The following TMEM42 variants were observed in gnomAD, a reference collection of about 807,000 sequenced individuals.
TMEM42 encodes the protein transmembrane protein 42.
TMEM42 carries 8 observed loss-of-function variants against 14.0 expected under a neutral mutation model. The ratio of observed to expected loss-of-function variants is 0.57; its 90% CI spans 0.34 to 1.03. The LOEUF (loss-of-function observed/expected upper bound fraction) is 1.03. Ranked by LOEUF, TMEM42 falls within the 50% of genes least tolerant of loss-of-function variation. The pLI is 0.03. For missense variants in TMEM42, 211 were observed against 219.8 expected (o/e 0.96, Z 0.25); for synonymous variants, 115 against 94.3 (o/e 1.22, Z -1.27).
chr3:44,863,838 A>C (rs1699290767), intron 1 of TMEM42: 1 of 241,636 alleles, frequency 4.1e-6, no homozygotes, highest in Admixed American at 4.8e-5. Flanking sequence ...ACGGAGTAAG[A>C]ACTACTTGGC....
Position 44,861,933 on chromosome 3 carries a change from G to C in TMEM42, c.9G>C (p.Glu3Asp), listed in dbSNP as rs1251327732. The change falls in exon 1 of 3, where the codon GAG (glutamate) becomes GAC (aspartate). Residue 3 changes from glutamate (E) to aspartate (D), a missense_variant. By Grantham distance (45) the Glu-to-Asp change is conservative. Coordinates refer to ENST00000302392, the MANE Select transcript of TMEM42 (RefSeq NM_144638.3). MA[E>D]RPGPPGGAVS... is the part of the protein sequence containing the mutation. ...CGGTGTCAGCAGGCAACATGGCCGA[G>C]AGGCCGGGGCCTCCGGGCGGCGCCG... 1.4e-6 allele frequency: 2 copies of C among 1,441,508 alleles called. No individual in the cohort carries two copies. The highest frequency in any genetic ancestry group is 1.8e-6 in the Non-Finnish European group (2 of 1,101,062). 89.3% of individuals were successfully genotyped at this position (1,441,508 alleles called of 1,614,324 possible). A position where few individuals can be genotyped will look rare whatever the true frequency, so the allele number is the denominator to read the frequency against.
rs1159137797 is a variant in TMEM42, at chr3:44,864,217, C to T, written c.213C>T (p.Val71=). 13 of 1,613,998 alleles carry T rather than the reference C, an allele frequency of 8.1e-6. No homozygotes were observed. The highest frequency in any genetic ancestry group is 1.1e-5 in the Non-Finnish European group (13 of 1,180,050). The change falls in exon 2 of 3, where the codon GTC becomes GTT. Residue 71 remains valine (V), a synonymous_variant. Transcript: ENST00000302392. The part of the protein sequence containing the change: ...FGSEVSMGLC[V]LGIIVMASTN... ...TGCAGGTGAGCATGGGTTTATGCGT[C>T]TTAGGCATTATTGTGATGGCGAGCA...
intron 1 of TMEM42, chr3:44,863,951 G>A (rs1699292097): frequency 1.9e-6 from 1 of 520,702 alleles, no homozygotes; most frequent in African/African-American, 1.9e-5. Flanking sequence ...TTCTTCCCAA[G>A]ATCATATGGC....
chr3:44,863,083 A>G (rs1018108450), intron 1 of TMEM42: 5 of 151,338 alleles, frequency 3.3e-5, no homozygotes, highest in Non-Finnish European at 7.4e-5. Flanking sequence ...TAAAACATGA[A>G]TTTTTTTGCG....
chr3:44,864,294 C>T lies in TMEM42; in HGVS notation c.290C>T (p.Ser97Phe), dbSNP rs753942279. The T allele has an allele frequency of 6.2e-7, 1 of 1,614,110 alleles. No homozygotes were observed. The highest frequency in any genetic ancestry group is 1.3e-5 in the African/African-American group (1 of 74,930). Reference sequence around the variant, plus strand: ...AGCCGGGGCCTCAGTTTCTCCATGTCTTCAGCCATTGCATCTGTCACAGTG... The same window carrying T: ...AGCCGGGGCCTCAGTTTCTCCATGTTTTCAGCCATTGCATCTGTCACAGTG... ...FFSRGLSFSM[S>F]SAIASVTVTF... Residue 97 changes from serine to phenylalanine, a missense_variant, in exon 2 of 3, where the codon TCT becomes TTT. Physicochemically the swap from Ser to Phe is radical, Grantham distance 155. Coordinates refer to ENST00000302392, the MANE Select transcript of TMEM42 (RefSeq NM_144638.3).
chr3:44,864,414 C>T (rs1461250580), intron 2 of TMEM42, 71 bp downstream of exon 2: 1 of 1,589,816 alleles, frequency 6.3e-7, no homozygotes, highest in African/African-American at 1.3e-5. Flanking sequence ...TGGATAACCC[C>T]TCCTTTCCCA....
chr3:44,862,160 G>T, intron 1 of TMEM42, 44 bp downstream of exon 1: 1 of 1,055,766 alleles, frequency 9.5e-7, no homozygotes, highest in Non-Finnish European at 1.2e-6. Flanking sequence ...CGGGCGGGCG[G>T]GCGGGGCGCC....
chr3:44,862,027 C>T lies in TMEM42; in HGVS notation c.103C>T (p.Arg35Cys). The change falls in exon 1 of 3, where the codon CGC becomes TGC. Residue 35 changes from arginine to cysteine, a missense_variant. Arg to Cys is a radical substitution (Grantham distance 180). Transcript: ENST00000302392. Reference protein sequence around the residue: ...PPHLQAGAMRRRFWGVFNCLC... With the variant: ...PPHLQAGAMRCRFWGVFNCLC... The stretch of plus-strand genomic sequence containing the variant: ...GCACCTCCAGGCGGGTGCGATGCGG[C>T]GCCGCTTTTGGGGCGTATTCAACTG... The T allele has an allele frequency of 7.2e-7, 1 of 1,380,574 alleles. No homozygotes were observed. 85.5% of individuals were successfully genotyped at this position (1,380,574 alleles called of 1,614,324 possible). A position where few individuals can be genotyped will look rare whatever the true frequency, so the allele number is the denominator to read the frequency against.
chr3:44,862,269 G>C (rs940754966), intron 1 of TMEM42, 153 bp downstream of exon 1: 24 of 446,414 alleles, frequency 5.4e-5, no homozygotes, highest in Non-Finnish European at 6.8e-5. Context: ...CTGTCCCGCC[G>C]GGGCCCCGGG....
chr3:44,863,917 A>T (rs1699291757), intron 1 of TMEM42: 1 of 443,346 alleles, frequency 2.3e-6, no homozygotes, highest in Non-Finnish European at 4.1e-6. Flanking sequence ...AGTAGAAAAT[A>T]CTGGCTTTGG....
Position 44,865,097 on chromosome 3 carries a change from G to C in TMEM42, c.397G>C (p.Val133Leu), listed in dbSNP as rs1330219715. Residue 133 changes from valine to leucine, a missense_variant, in exon 3 of 3, where the codon GTG (valine) becomes CTG (leucine). By Grantham distance (32) the Val-to-Leu change is conservative (BLOSUM62 1). Transcript: ENST00000302392. ...CCAGGAGGTCTTGTGGTGGGGAGGAGTGTTCCTTATTCTCTGCGGACTCAC... is the reference window on the plus strand; with the variant it reads ...CCAGGAGGTCTTGTGGTGGGGAGGACTGTTCCTTATTCTCTGCGGACTCAC... ...ECQEVLWWGG[V>L]FLILCGLTLI... is the part of the protein sequence containing the mutation. 9 of 1,614,142 alleles carry C rather than the reference G, an allele frequency of 5.6e-6. No homozygotes were observed. In the South Asian group the frequency reaches 9.9e-5, roughly 18 times the overall value.
intron 2 of TMEM42, among the ~76,000 whole-genome samples, chr3:44,864,635 T>TA (rs1184628718): frequency 6.6e-6 from 1 of 152,176 alleles, no homozygotes; most frequent in Non-Finnish European, 1.5e-5. Context: ...AGCTGTTTCC[T>TA]AGGGTTCTGT....
At chr3:44,863,298 G>GAACCC (rs1699279938) in intron 1 of TMEM42, 1 of 38,726 alleles carries the variant, frequency 2.6e-5, no homozygotes. Context: ...TTTAGATTCC[G>GAACCC]CACCCCCCCC....
Position 44,864,272 on chromosome 3 carries a change from C to T in TMEM42, c.268C>T (p.Arg90Trp), listed in dbSNP as rs563466758. The T allele has an allele frequency of 6.8e-5, 110 of 1,614,156 alleles. 1 individual carries two copies. Among genetic ancestry groups the T allele is most frequent in the South Asian group, 4.9e-4 (45 of 91,082 alleles). ...TTCTCTGATGTGGACCTTCTTTAGC[C>T]GGGGCCTCAGTTTCTCCATGTCTTC... ...TNSLMWTFFS[R>W]GLSFSMSSAI... Residue 90 changes from arginine (R) to tryptophan (W), a missense_variant, in exon 2 of 3, where the codon CGG (arginine) becomes TGG (tryptophan). Transcript: ENST00000302392.
At chr3:44,864,481 T>A in intron 2 of TMEM42, 138 bp downstream of exon 2, 1 of 979,010 alleles carries the variant, frequency 1.0e-6, no homozygotes, top group East Asian at 2.5e-5. Flanking sequence ...GACCCCTGGA[T>A]GAGTGCTCTA....
chr3:44,862,873 A>C (rs1313713773), intron 1 of TMEM42: 15 of 152,172 alleles, frequency 9.9e-5, no homozygotes, highest in African/African-American at 3.1e-4. Context: ...AGTAGCTGCC[A>C]TGCTTCAGGT....
intron 1 of TMEM42, chr3:44,863,064 T>C (rs888527113): frequency 2.6e-5 from 4 of 152,092 alleles, no homozygotes; most frequent in East Asian, 1.9e-4. Flanking sequence ...CAACGCAAAT[T>C]TGCAAATTTA....
intron 1 of TMEM42, 182 bp from the exon 2 acceptor site, chr3:44,864,015 G>C: frequency 1.6e-6 from 1 of 607,748 alleles, no homozygotes; most frequent in Non-Finnish European, 2.9e-6. Context: ...TTGTAAGATG[G>C]GTCTGCTGCC....
intron 1 of TMEM42, chr3:44,862,931 A>G (rs1177155794): frequency 6.6e-6 from 1 of 152,026 alleles, no homozygotes; most frequent in African/African-American, 2.4e-5. Flanking sequence ...CGAAAGTAAA[A>G]TGAATAACTT....
Sources: gnomAD v4.1 joint callset for allele counts (sites outside exome capture counted in the v4.1 genomes callset) on GRCh38, gnomAD v4.1.1 for gene constraint, MANE v1.5 for transcripts, NCBI Gene and HGNC (gene_info 2026-07-23, HGNC 2026-07-21) for gene names.